The following RPS6KC1 variants were observed in gnomAD, a reference collection of about 807,000 sequenced individuals.
RPS6KC1 encodes ribosomal protein S6 kinase C1, also known as inactive ribosomal protein S6 kinase delta-1.
Under a neutral mutation model 103.8 loss-of-function variants are expected in RPS6KC1, and 54 were observed. The observed-to-expected ratio is 0.52, with a 90% CI of 0.42 to 0.65. The LOEUF is 0.65. Among genes scored for constraint, RPS6KC1 ranks in the 30% least tolerant of loss-of-function variants. The probability of loss-of-function intolerance (pLI) is 0.00; values close to 1 mark genes in which losing one functional copy is unlikely to be tolerated. For missense variants in RPS6KC1, 1,151 were observed against 1,253.8 expected, an observed-to-expected ratio of 0.92 and a Z score of 1.24; for synonymous variants, 439 against 438.7, an observed-to-expected ratio of 1.00 and a Z score of -0.01.
chr1:213,855,477 C>T, the RPS6KC1 span, among the ~76,000 whole-genome samples: 37 of 152,218 alleles, frequency 2.4e-4, no homozygotes, highest in East Asian at 7.0e-3. Context: ...CTCCTTCTGC[C>T]GACAATGCAC....
At chr1:213,412,793 G>A in the RPS6KC1 span, among the ~76,000 whole-genome samples, 1 of 152,200 alleles carries the variant, frequency 6.6e-6, no homozygotes, top group South Asian at 2.1e-4. Context: ...CTGCTTCTCT[G>A]TTATTCCCAT....
the RPS6KC1 span, among the ~76,000 whole-genome samples, chr1:213,708,319 C>CT: frequency 2.6e-5 from 4 of 152,154 alleles, no homozygotes; most frequent in African/African-American, 9.7e-5. Flanking sequence ...TGGGAATTCA[C>CT]TCATGAGTTG....
the RPS6KC1 span, among the ~76,000 whole-genome samples, chr1:213,480,478 G>C: frequency 6.6e-6 from 1 of 150,936 alleles, no homozygotes; most frequent in African/African-American, 2.5e-5. Flanking sequence ...CATACACCTA[G>C]CAATCTTGAT....
At chr1:213,808,562 G>C in the RPS6KC1 span, among the ~76,000 whole-genome samples, 2 of 152,254 alleles carry the variant, frequency 1.3e-5, no homozygotes, top group Admixed American at 1.3e-4. Context: ...GCAAGGCTCC[G>C]TGGGCGTAGG....
At chr1:213,082,221 C>T (rs541880537) in intron 3 of RPS6KC1, among the ~76,000 whole-genome samples, 1 of 151,884 alleles carries the variant, frequency 6.6e-6, no homozygotes, top group Admixed American at 6.6e-5. Context: ...GAAATCGAAA[C>T]CATCCTGGCT....
intron 12 of RPS6KC1, among the ~76,000 whole-genome samples, chr1:213,243,030 CTG>C (rs2094390562): frequency 6.6e-6 from 1 of 152,012 alleles, no homozygotes; most frequent in African/African-American, 2.4e-5. Context: ...ATACCTCACT[CTG>C]TCACACAGGC....
At chr1:213,773,762 AT>A in the RPS6KC1 span, among the ~76,000 whole-genome samples, 1 of 152,066 alleles carries the variant, frequency 6.6e-6, no homozygotes, top group Non-Finnish European at 1.5e-5. Context: ...CCTTCCATTG[AT>A]TAGATGACAC....
At chr1:213,115,984 A>G (rs1195770677) in intron 4 of RPS6KC1, among the ~76,000 whole-genome samples, 2 of 152,020 alleles carry the variant, frequency 1.3e-5, no homozygotes, top group African/African-American at 2.4e-5. Flanking sequence ...TATGTGGTCA[A>G]TTTTGTAATA....
chr1:213,509,231 G>A, the RPS6KC1 span, among the ~76,000 whole-genome samples: 9 of 152,230 alleles, frequency 5.9e-5, no homozygotes, highest in Admixed American at 2.0e-4. Context: ...GACCAAATCT[G>A]GGTATTAAGG....
the RPS6KC1 span, among the ~76,000 whole-genome samples, chr1:213,851,779 C>G: frequency 6.6e-6 from 1 of 152,128 alleles, no homozygotes. Flanking sequence ...TATTGCCACA[C>G]GTGACATCAC....
chr1:213,383,597 T>G, the RPS6KC1 span, among the ~76,000 whole-genome samples: 1 of 152,188 alleles, frequency 6.6e-6, no homozygotes, highest in South Asian at 2.1e-4. Context: ...TATTTTGAAG[T>G]CCAAGCCTTC....
chr1:213,847,133 T>C, the RPS6KC1 span, among the ~76,000 whole-genome samples: 2 of 152,224 alleles, frequency 1.3e-5, no homozygotes, highest in Non-Finnish European at 2.9e-5. Context: ...AGTACAATTA[T>C]TGAAGACTGA....
chr1:213,294,519 G>T, the RPS6KC1 span, among the ~76,000 whole-genome samples: 1 of 152,152 alleles, frequency 6.6e-6, no homozygotes, highest in Non-Finnish European at 1.5e-5. Context: ...TCATTTTTGA[G>T]TGAGTAGCTG....
chr1:213,192,634 T>C (rs2092790389), intron 8 of RPS6KC1, among the ~76,000 whole-genome samples: 1 of 152,198 alleles, frequency 6.6e-6, no homozygotes, highest in Non-Finnish European at 1.5e-5. Flanking sequence ...TTGTCAATCT[T>C]GTTTACCTTT....
At chr1:213,675,606 G>A in the RPS6KC1 span, among the ~76,000 whole-genome samples, 1 of 152,208 alleles carries the variant, frequency 6.6e-6, no homozygotes, top group Non-Finnish European at 1.5e-5. Context: ...GCTGGGCATG[G>A]TGGCTCACAC....
At chr1:213,151,726 GC>G in intron 6 of RPS6KC1, among the ~76,000 whole-genome samples, 1 of 129,470 alleles carries the variant, frequency 7.7e-6, no homozygotes, top group Non-Finnish European at 1.7e-5. Flanking sequence ...CGGGCGGGGG[GC>G]TGACCCCCCC....
rs77448943 is a variant in RPS6KC1, at chr1:213,271,481, A to G, written c.3091-1043A>G. 5.8e-3 allele frequency among the ~76,000 whole-genome samples: 889 copies of G among 152,244 alleles called. 13 individuals carry two copies. Among genetic ancestry groups the G allele is most frequent in the Middle Eastern group, 0.02 (6 of 294 alleles). On this transcript the variant is annotated intron_variant, in intron 14 of 14. Coordinates refer to ENST00000366960, the MANE Select transcript of RPS6KC1 (RefSeq NM_012424.6). ...TTTTTAGGGTAATCAAAATGTTCTA[A>G]AAGGCCGGGTGCGGTGGCTCACGCC...
chr1:213,426,668 T>C, the RPS6KC1 span, among the ~76,000 whole-genome samples: 1 of 152,312 alleles, frequency 6.6e-6, no homozygotes, highest in South Asian at 2.1e-4. Flanking sequence ...TTGGTTAATT[T>C]AGCCCCATCA....
At chr1:213,056,855 C>CT (rs75002124) in intron 1 of RPS6KC1, among the ~76,000 whole-genome samples, 1,546 of 129,080 alleles carry the variant, frequency 0.012, 28 homozygotes, top group African/African-American at 0.038. Flanking sequence ...TTCCGGGAAG[C>CT]TTTTTTTTTT....
Sources: gnomAD v4.1 joint callset for allele counts (sites outside exome capture counted in the v4.1 genomes callset) on GRCh38, gnomAD v4.1.1 for gene constraint, MANE v1.5 for transcripts, NCBI Gene and HGNC (gene_info 2026-07-23, HGNC 2026-07-21) for gene names.